The following ZFYVE26 variants were observed in gnomAD, a reference collection of about 807,000 sequenced individuals.
ZFYVE26 encodes zinc finger FYVE-type containing 26.
A neutral mutation model predicts 276.5 loss-of-function variants in ZFYVE26; 181 were observed. That is an observed-to-expected ratio of 0.65 (90% confidence interval 0.58 to 0.74). The LOEUF is 0.74. Among genes scored for constraint, ZFYVE26 ranks in the 30% least tolerant of loss-of-function variants. The probability of loss-of-function intolerance (pLI) is 0.00; values close to 1 mark genes in which losing one functional copy is unlikely to be tolerated. For missense variants in ZFYVE26, 2,821 were observed against 3,097.9 expected (o/e 0.91, Z 2.12); for synonymous variants, 1,129 against 1,203.1 (o/e 0.94, Z 1.27).
chr14:67,731,259 G>T, intron 13 of ZFYVE26, among the ~76,000 whole-genome samples: 1 of 138,630 alleles, frequency 7.2e-6, no homozygotes, highest in African/African-American at 2.7e-5. Flanking sequence ...CTGTTGCCCA[G>T]GCTGGAGTGC....
At chr14:67,763,188 C>T (rs2038978261) in intron 32 of ZFYVE26, among the ~76,000 whole-genome samples, 1 of 152,158 alleles carries the variant, frequency 6.6e-6, no homozygotes, top group Non-Finnish European at 1.5e-5. Flanking sequence ...TACAGGCCTA[C>T]TCCATTTTCA....
intron 16 of ZFYVE26, among the ~76,000 whole-genome samples, chr14:67,788,612 C>T (rs765903964): frequency 6.6e-6 from 1 of 152,118 alleles, no homozygotes; most frequent in African/African-American, 2.4e-5. Flanking sequence ...TCTTTGTATC[C>T]ATTTGCTGAA....
intron 10 of ZFYVE26, among the ~76,000 whole-genome samples, chr14:67,800,924 TATAA>T (rs148005245): frequency 0.022 from 3,296 of 148,664 alleles, 92 homozygotes; most frequent in African/African-American, 0.065. Flanking sequence ...AAAGTTACCG[TATAA>T]ATAAATAAAT....
Position 67,805,258 on chromosome 14 carries a change from C to A in ZFYVE26, c.1230G>T (p.Trp410Cys). The change falls in exon 8 of 42, where the codon TGG becomes TGT. Residue 410 changes from tryptophan to cysteine, a missense_variant. Coordinates refer to ENST00000347230, the MANE Select transcript of ZFYVE26 (RefSeq NM_015346.4). ...ELLRDACDGLWAHLEVLEWCI... is the reference protein window; with the variant it reads ...ELLRDACDGLCAHLEVLEWCI... ...ACCACTCCAGGACCTCCAGGTGAGC[C>A]CACAACCCATCACAGGCATCCCTGA... is the stretch of plus-strand genomic sequence containing the variant. 1 of 1,614,098 alleles carries A rather than the reference C, an allele frequency of 6.2e-7. No individual in the cohort carries two copies. Among genetic ancestry groups the A allele is most frequent in the Non-Finnish European group, 8.5e-7 (1 of 1,180,018 alleles).
chr14:67,761,444 ATAGTTGTGCAGG>A lies in ZFYVE26; in HGVS notation c.6498_6509del (p.Leu2167_Tyr2170del). 6.2e-7 allele frequency: 1 copy of A among 1,614,144 alleles called. No homozygotes were observed. The stretch of plus-strand genomic sequence containing the variant: ...AGCTGATGATGGCCAGGTTGGTGCT[ATAGTTGTGCAGG>A]TAGAAGAGGCATTCCTGGTAGTAGG... On this transcript the variant is annotated inframe_deletion, in exon 35 of 42. Transcript: ENST00000347230.
intron 35 of ZFYVE26, among the ~76,000 whole-genome samples, chr14:67,759,679 T>C (rs1179750912): frequency 1.4e-5 from 2 of 146,590 alleles, no homozygotes; most frequent in African/African-American, 5.1e-5. Context: ...ATTTAATGAG[T>C]CTGGAATGTA....
intron 13 of ZFYVE26, among the ~76,000 whole-genome samples, chr14:67,731,328 C>T (rs2038272084): frequency 6.6e-6 from 1 of 150,674 alleles, no homozygotes; most frequent in Non-Finnish European, 1.5e-5. Flanking sequence ...GATCCTCCTG[C>T]CTCAGCCTCC....
intron 13 of ZFYVE26, among the ~76,000 whole-genome samples, chr14:67,738,713 T>A (rs2038380446): frequency 6.6e-6 from 1 of 152,104 alleles, no homozygotes; most frequent in African/African-American, 2.4e-5. Context: ...TAATGGGAAA[T>A]GATTTTTCAA....
At chr14:67,793,389 T>C (rs1299052948) in intron 14 of ZFYVE26, among the ~76,000 whole-genome samples, 1 of 152,152 alleles carries the variant, frequency 6.6e-6, no homozygotes, top group Non-Finnish European at 1.5e-5. Flanking sequence ...CTTTCACCTT[T>C]TAAAAACACT....
At chr14:67,806,436 T>G in intron 6 of ZFYVE26, 109 bp downstream of exon 6, 1 of 1,422,912 alleles carries the variant, frequency 7.0e-7, no homozygotes, top group Non-Finnish European at 9.8e-7. Context: ...GACTCAACAC[T>G]AATTAGACTG....
intron 35 of ZFYVE26, among the ~76,000 whole-genome samples, chr14:67,759,593 C>T (rs1209337088): frequency 1.5e-5 from 2 of 131,834 alleles, no homozygotes; most frequent in East Asian, 2.2e-4. Flanking sequence ...CACCGCGCTC[C>T]AGCCTGGCAA....
In ZFYVE26 at chr14:67,772,184, G is replaced by C. The variant is rs752654491; in HGVS notation, c.5347C>G (p.Leu1783Val). 8.1e-6 allele frequency: 13 copies of C among 1,613,290 alleles called. No individual in the cohort carries two copies. The highest frequency in any genetic ancestry group is 1.0e-5 in the Non-Finnish European group (12 of 1,179,752). ...PGISSIHSPS[L>V]RERSFPPTQP... Reference sequence around the variant, plus strand: ...GTTGGTGGGAAACTCCTTTCCCTTAGACTAGGGGAATGTATACTGGAGATA... The same window carrying C: ...GTTGGTGGGAAACTCCTTTCCCTTACACTAGGGGAATGTATACTGGAGATA... Residue 1783 changes from leucine (L) to valine (V), a missense_variant, in exon 28 of 42, where the codon CTA becomes GTA. Coordinates refer to ENST00000347230, the MANE Select transcript of ZFYVE26 (RefSeq NM_015346.4).
chr14:67,809,782 C>CTTTT (rs58842467), intron 3 of ZFYVE26, among the ~76,000 whole-genome samples: 17 of 120,110 alleles, frequency 1.4e-4, no homozygotes, highest in Non-Finnish European at 2.5e-4. Flanking sequence ...ATTCTTTTCT[C>CTTTT]TTTTTTTTTT....
intron 37 of ZFYVE26, 49 bp from the exon 38 acceptor site, chr14:67,754,261 G>A (rs1206363473): frequency 6.2e-7 from 1 of 1,612,558 alleles, no homozygotes; most frequent in Admixed American, 1.7e-5. Context: ...GGCCCCAGGT[G>A]ACTGAGGCCA....
rs770238522 is a variant in ZFYVE26, at chr14:67,752,543, C to T, written c.7189-17G>A. 13 of 1,614,034 alleles carry T rather than the reference C, an allele frequency of 8.1e-6. No homozygotes were observed. Among genetic ancestry groups the T allele is most frequent in the Non-Finnish European group, 1.0e-5 (12 of 1,179,992 alleles). Reference sequence around the variant, plus strand: ...CTGGAAGTCCTAGAACAGAACACAACATGATGGGCTTAGGAGCAGGAAACG... The same window carrying T: ...CTGGAAGTCCTAGAACAGAACACAATATGATGGGCTTAGGAGCAGGAAACG... On this transcript the variant is annotated splice_polypyrimidine_tract_variant and intron_variant, in intron 39 of 41. Coordinates refer to ENST00000347230, the MANE Select transcript of ZFYVE26 (RefSeq NM_015346.4).
At chr14:67,812,541 G>A (rs961944196) in intron 3 of ZFYVE26, among the ~76,000 whole-genome samples, 1 of 152,128 alleles carries the variant, frequency 6.6e-6, no homozygotes, top group Non-Finnish European at 1.5e-5. Context: ...TGGACGCCAT[G>A]GTGCTTATAT....
Position 67,807,488 on chromosome 14 carries a change from T to C in ZFYVE26, c.796A>G (p.Lys266Glu). ...AGGGACAGCAGGCCCCGGCTGGCCT[T>C]GTGCAGCAGGCAGCTGAGCAGCCGC... Reference protein sequence around the residue: ...EERLLSCLLHKASRGLLSLYG... With the variant: ...EERLLSCLLHEASRGLLSLYG... Residue 266 changes from lysine (K) to glutamate (E), a missense_variant, in exon 5 of 42, where the codon AAG becomes GAG. Transcript: ENST00000347230. 6.2e-7 allele frequency: 1 copy of C among 1,614,120 alleles called. No individual in the cohort carries two copies. The highest frequency in any genetic ancestry group is 1.1e-5 in the South Asian group (1 of 91,086).
At chr14:67,767,645 G>C (rs540179442) in intron 31 of ZFYVE26, 59 bp downstream of exon 31, 580 of 1,610,868 alleles carry the variant, frequency 3.6e-4, no homozygotes, top group Non-Finnish European at 4.6e-4. Context: ...TGTATTTCTT[G>C]TCATACTGCT....
At chr14:67,800,099 G>A (rs2040047272) in intron 10 of ZFYVE26, among the ~76,000 whole-genome samples, 1 of 152,216 alleles carries the variant, frequency 6.6e-6, no homozygotes, top group Non-Finnish European at 1.5e-5. Context: ...GCCAGGTTTT[G>A]TACTGATGTA....
Sources: gnomAD v4.1 joint callset for allele counts (sites outside exome capture counted in the v4.1 genomes callset) on GRCh38, gnomAD v4.1.1 for gene constraint, MANE v1.5 for transcripts, NCBI Gene and HGNC (gene_info 2026-07-23, HGNC 2026-07-21) for gene names.